Variants in USP3 observed in about 807,000 individuals in gnomAD.
USP3 encodes the protein ubiquitin specific peptidase 3, also known as ubiquitin carboxyl-terminal hydrolase 3.
A neutral mutation model predicts 72.3 loss-of-function variants in USP3; 20 were observed. That is an observed-to-expected ratio of 0.28 (90% CI 0.19 to 0.40). The LOEUF (loss-of-function observed/expected upper bound fraction) is 0.40, where lower values mean the gene tolerates loss of function less well. Among genes scored for constraint, USP3 ranks in the 10% least tolerant of loss-of-function variants. USP3 has a pLI of 1.00. For synonymous variants in USP3, 222 were observed against 225.3 expected, an observed-to-expected ratio of 0.99 and a Z score of 0.13; for missense variants, 479 against 633.9, an observed-to-expected ratio of 0.76 and a Z score of 2.62.
chr15:63,516,405 T>C (rs977295327), intron 1 of USP3, among the ~76,000 whole-genome samples: 1 of 152,194 alleles, frequency 6.6e-6, no homozygotes. Context: ...TCCCATGTCT[T>C]GTTTTTCTTG....
intron 5 of USP3, among the ~76,000 whole-genome samples, chr15:63,557,411 C>A (rs960163457): frequency 4.6e-5 from 7 of 152,118 alleles, no homozygotes; most frequent in African/African-American, 1.7e-4. Context: ...TACAGGCACA[C>A]GCCACCACGC....
intron 1 of USP3, among the ~76,000 whole-genome samples, chr15:63,510,035 A>G (rs2065761742): frequency 6.6e-6 from 1 of 152,176 alleles, no homozygotes; most frequent in Non-Finnish European, 1.5e-5. Context: ...AAAATAATTT[A>G]TTCTCATTCT....
At position 63,590,954 on chromosome 15, in the gene USP3, A is replaced by G. The variant is rs767165461; in HGVS notation, c.*128A>G. ...TCCTATTTTGGATTTAGTTTTGTCA[A>G]TGGTAGTGACTTACTGAACATGGGC... On this transcript the variant is annotated 3_prime_UTR_variant, in exon 15 of 15. Coordinates refer to ENST00000380324, the MANE Select transcript of USP3 (RefSeq NM_006537.4). 65 of 1,221,036 alleles carry G rather than the reference A, an allele frequency of 5.3e-5. No homozygotes were observed. The highest frequency in any genetic ancestry group is 9.3e-5 in the African/African-American group (6 of 64,314). 75.6% of individuals were successfully genotyped at this position (1,221,036 alleles called of 1,614,324 possible). A position where few individuals can be genotyped will look rare whatever the true frequency, so the allele number is the denominator to read the frequency against.
intron 1 of USP3, among the ~76,000 whole-genome samples, chr15:63,514,989 G>A (rs976250243): frequency 3.9e-5 from 6 of 152,134 alleles, no homozygotes; most frequent in Non-Finnish European, 8.8e-5. Context: ...TATATGATCA[G>A]CTTCATAGGG....
intron 3 of USP3, among the ~76,000 whole-genome samples, chr15:63,538,140 A>T (rs780726807): frequency 1.3e-5 from 2 of 152,206 alleles, no homozygotes; most frequent in Non-Finnish European, 2.9e-5. Flanking sequence ...GTTGTGAGTG[A>T]TGCTTAATGA....
At chr15:63,537,511 T>C (rs1258209469) in intron 3 of USP3, among the ~76,000 whole-genome samples, 2 of 152,184 alleles carry the variant, frequency 1.3e-5, no homozygotes, top group Non-Finnish European at 2.9e-5. Context: ...AACAAACCCA[T>C]GTTCCTCCTG....
Position 63,544,309 on chromosome 15 carries a change from AG to A in USP3, c.284+7155del, listed in dbSNP as rs886273462. ...TAGGAAGCTGATGAAAATAGCTTGA[AG>A]GCTTCTTTTGTAACCAAATGCAGGT... On this transcript the variant is annotated intron_variant, in intron 3 of 14. Coordinates refer to ENST00000380324, the MANE Select transcript of USP3 (RefSeq NM_006537.4). This position sits in a 1 kb window ranked among gnomAD's most constrained non-coding sequence, Gnocchi z 4.2. 6 of 160,740 alleles carry A rather than the reference AG, an allele frequency of 3.7e-5. No individual in the cohort carries two copies. Among genetic ancestry groups the A allele is most frequent in the African/African-American group, 1.4e-4 (6 of 41,578 alleles). 10.0% of individuals were successfully genotyped at this position (160,740 alleles called of 1,614,324 possible).
Position 63,531,703 on chromosome 15 carries a change from C to G in USP3, c.92-944C>G, listed in dbSNP as rs192271997. 9.2e-5 allele frequency among the ~76,000 whole-genome samples: 14 copies of G among 152,272 alleles called. No homozygotes were observed. In the East Asian group the frequency reaches 2.7e-3, roughly 29 times the overall value. ...CTAAACTAAGAAATTTAAACTTTCTCTTCCACAAATATTTATTGAGCATCT... is the reference window on the plus strand; with the variant it reads ...CTAAACTAAGAAATTTAAACTTTCTGTTCCACAAATATTTATTGAGCATCT... On this transcript the variant is annotated intron_variant, in intron 1 of 14. Transcript: ENST00000380324.
chr15:63,516,822 AT>A (rs1354670697), intron 1 of USP3, among the ~76,000 whole-genome samples: 1 of 150,680 alleles, frequency 6.6e-6, no homozygotes, highest in Admixed American at 6.6e-5. Context: ...AAGTGAAGGG[AT>A]TTTTTTATGT....
At chr15:63,571,447 C>A (rs923132928) in intron 9 of USP3, among the ~76,000 whole-genome samples, 1 of 152,190 alleles carries the variant, frequency 6.6e-6, no homozygotes, top group Non-Finnish European at 1.5e-5. Flanking sequence ...AATTGCCATA[C>A]TTCTCAAAAT....
At chr15:63,562,798 T>G (rs1277016164) in intron 7 of USP3, 97 bp from the exon 8 acceptor site, 4 of 681,446 alleles carry the variant, frequency 5.9e-6, no homozygotes, top group Non-Finnish European at 9.7e-6. Context: ...TTTTAAGTGT[T>G]CATTTCCTAT....
Position 63,504,595 on chromosome 15 carries a change from T to G in USP3, c.-145T>G. ...AACCCGGCGTCCGGAAGCCCGTGCT[T>G]TCTTTGACGCAAGGGCTCGAGACGC... On this transcript the variant is annotated 5_prime_UTR_variant, in exon 1 of 15. Transcript: ENST00000380324. The G allele has an allele frequency of 3.3e-6, 2 of 599,150 alleles. No homozygotes were observed. The highest frequency in any genetic ancestry group is 2.6e-5 in the South Asian group (1 of 38,698). The allele number at this position is 599,150 out of a possible 1,614,324, so 37.1% of individuals were successfully genotyped here.
At chr15:63,534,088 A>T (rs1453655299) in intron 2 of USP3, among the ~76,000 whole-genome samples, 1 of 152,192 alleles carries the variant, frequency 6.6e-6, no homozygotes. Context: ...GGAAAAATAA[A>T]TGGAAAAATT....
intron 1 of USP3, among the ~76,000 whole-genome samples, chr15:63,505,859 A>G (rs1305621311): frequency 6.6e-6 from 1 of 152,334 alleles, no homozygotes; most frequent in African/African-American, 2.4e-5. Context: ...GTTCATTTGA[A>G]GAAATATAGA....
chr15:63,560,121 A>G lies in USP3; in HGVS notation c.647+151A>G, dbSNP rs2066581861. The G allele has an allele frequency of 4.2e-6, 3 of 722,808 alleles. No homozygotes were observed. In the South Asian group the frequency reaches 6.0e-5, roughly 15 times the overall value. The allele number at this position is 722,808 out of a possible 1,614,324, so 44.8% of individuals were successfully genotyped here. On this transcript the variant is annotated intron_variant, in intron 7 of 14. Coordinates refer to ENST00000380324, the MANE Select transcript of USP3 (RefSeq NM_006537.4). ...TTTAAATATCTAGTTAGCAATCTTA[A>G]TAATTGTTGGAATTCCGGCCGGGTG... is the stretch of plus-strand genomic sequence containing the variant.
At chr15:63,575,311 G>GT (rs1258277879) in intron 11 of USP3, among the ~76,000 whole-genome samples, 1 of 152,084 alleles carries the variant, frequency 6.6e-6, no homozygotes, top group African/African-American at 2.4e-5. Context: ...CATGTGGCTA[G>GT]TAGGGGGCTC....
intron 1 of USP3, among the ~76,000 whole-genome samples, chr15:63,510,777 A>G (rs2065770190): frequency 6.6e-6 from 1 of 152,178 alleles, no homozygotes; most frequent in Non-Finnish European, 1.5e-5. Flanking sequence ...CATCTTACCT[A>G]GAATTGTCTT....
In USP3 at chr15:63,552,358, G is replaced by A. The variant is rs200506941; in HGVS notation, c.285-1357G>A. ...ATCTTATCCTCTTAATATTTATGCC[G>A]AGAAGGAGCAAAAAATTAAAACTTT... is the stretch of plus-strand genomic sequence containing the variant. On this transcript the variant is annotated intron_variant, in intron 3 of 14. Coordinates refer to ENST00000380324, the MANE Select transcript of USP3 (RefSeq NM_006537.4). Among the ~76,000 whole-genome samples, 5 of 152,246 alleles carry A rather than the reference G, an allele frequency of 3.3e-5. No individual in the cohort carries two copies. The East Asian group carries it at 5.8e-4, about 18-fold the overall frequency.
intron 1 of USP3, among the ~76,000 whole-genome samples, chr15:63,524,554 C>T (rs1276629916): frequency 6.6e-6 from 1 of 152,190 alleles, no homozygotes; most frequent in Non-Finnish European, 1.5e-5. Flanking sequence ...AGAACGTGGA[C>T]TCACAGAGTT....
Sources: gnomAD v4.1 joint callset for allele counts (sites outside exome capture counted in the v4.1 genomes callset) on GRCh38, gnomAD v4.1.1 for gene constraint, Gnocchi (gnomAD v3.1) non-coding constraint, MANE v1.5 for transcripts, NCBI Gene and HGNC (gene_info 2026-07-23, HGNC 2026-07-21) for gene names.